The following RHBDD1 variants were observed in gnomAD, a reference collection of about 807,000 sequenced individuals.
RHBDD1 encodes the protein rhomboid-related protein 4.
A neutral mutation model predicts 36.3 loss-of-function variants in RHBDD1; 38 were observed. The ratio of observed to expected loss-of-function variants is 1.05; its 90% CI spans 0.81 to 1.37. The LOEUF (loss-of-function observed/expected upper bound fraction) is 1.37, where lower values mean the gene tolerates loss of function less well. Among genes scored for constraint, RHBDD1 ranks in the 40% most tolerant of loss-of-function variants. The pLI is 0.00. For synonymous variants in RHBDD1, 151 were observed against 136.5 expected, an observed-to-expected ratio of 1.11 and a Z score of -0.74; for missense variants, 393 against 377.6, an observed-to-expected ratio of 1.04 and a Z score of -0.34.
chr2:226,820,148 C>CCGA, the RHBDD1 span, among the ~76,000 whole-genome samples: 7 of 151,962 alleles, frequency 4.6e-5, no homozygotes, highest in Non-Finnish European at 1.0e-4. Flanking sequence ...AGATAATAAT[C>CCGA]CGACCTCATA....
intron 5 of RHBDD1, among the ~76,000 whole-genome samples, chr2:226,887,687 G>T (rs954442530): frequency 5.3e-5 from 8 of 152,230 alleles, no homozygotes; most frequent in African/African-American, 1.9e-4. Flanking sequence ...TTGTCAAACA[G>T]TATTTTAAAA....
intron 8 of RHBDD1, among the ~76,000 whole-genome samples, chr2:226,972,462 G>T (rs568959790): frequency 6.6e-6 from 1 of 152,158 alleles, no homozygotes; most frequent in Non-Finnish European, 1.5e-5. Flanking sequence ...CCTGGAAAAA[G>T]GGGTCTGCCC....
At chr2:226,870,390 A>G (rs1944697213) in intron 5 of RHBDD1, among the ~76,000 whole-genome samples, 1 of 152,186 alleles carries the variant, frequency 6.6e-6, no homozygotes, top group African/African-American at 2.4e-5. Flanking sequence ...AAATTAATAA[A>G]TCAGCTGTTA....
intron 2 of RHBDD1, among the ~76,000 whole-genome samples, 180 bp from the exon 3 acceptor site, chr2:226,839,229 G>T (rs1162786173): frequency 6.6e-6 from 1 of 152,022 alleles, no homozygotes; most frequent in Non-Finnish European, 1.5e-5. Flanking sequence ...TGGAATATGG[G>T]GGTGGGGACC....
intron 5 of RHBDD1, among the ~76,000 whole-genome samples, chr2:226,897,665 A>G (rs1174752351): frequency 6.6e-6 from 1 of 152,132 alleles, no homozygotes; most frequent in Non-Finnish European, 1.5e-5. Flanking sequence ...AGGCAGTGCC[A>G]TGCTTTCTTT....
chr2:226,855,274 A>G (rs959236846), intron 3 of RHBDD1, among the ~76,000 whole-genome samples: 6 of 152,230 alleles, frequency 3.9e-5, no homozygotes, highest in South Asian at 2.1e-4. Flanking sequence ...TTGGGAGGCC[A>G]AAGTGGGAGG....
chr2:226,892,064 G>A (rs912933434), intron 5 of RHBDD1, among the ~76,000 whole-genome samples: 2 of 152,202 alleles, frequency 1.3e-5, no homozygotes, highest in Admixed American at 6.5e-5. Context: ...GGGTCACCTG[G>A]CTTCACTAGG....
intron 3 of RHBDD1, among the ~76,000 whole-genome samples, chr2:226,850,314 G>A (rs376658715): frequency 6.6e-6 from 1 of 152,168 alleles, no homozygotes; most frequent in East Asian, 1.9e-4. Flanking sequence ...CCAGTCGTAG[G>A]AGAGTAATAG....
intron 3 of RHBDD1, among the ~76,000 whole-genome samples, chr2:226,847,744 C>T (rs1942373843): frequency 6.6e-6 from 1 of 152,180 alleles, no homozygotes; most frequent in African/African-American, 2.4e-5. Flanking sequence ...GCAAAATGAC[C>T]TGAACTGACC....
the RHBDD1 span, among the ~76,000 whole-genome samples, chr2:226,801,205 C>G: frequency 5.3e-5 from 8 of 152,144 alleles, no homozygotes; most frequent in Admixed American, 3.9e-4. Context: ...TGGCTGGGAC[C>G]CGGCGGGCCG....
At chr2:226,800,618 T>C in the RHBDD1 span, among the ~76,000 whole-genome samples, 2 of 152,066 alleles carry the variant, frequency 1.3e-5, no homozygotes, top group African/African-American at 4.8e-5. Context: ...GCTGAGGGCA[T>C]GGGGGAGGGG....
intron 8 of RHBDD1, among the ~76,000 whole-genome samples, chr2:226,937,383 G>A (rs1950397711): frequency 6.6e-6 from 1 of 152,026 alleles, no homozygotes; most frequent in Admixed American, 6.6e-5. Context: ...TATTTTCAGT[G>A]AATAAAATTT....
At chr2:226,959,285 CTG>C (rs1952010829) in intron 8 of RHBDD1, among the ~76,000 whole-genome samples, 1 of 152,126 alleles carries the variant, frequency 6.6e-6, no homozygotes, top group South Asian at 2.1e-4. Flanking sequence ...GAAATGAAGT[CTG>C]TTCTTTTCTC....
chr2:226,995,485 T>A lies in RHBDD1; in HGVS notation c.911T>A (p.Met304Lys), dbSNP rs1559370649. 1 of 1,613,312 alleles carries A rather than the reference T, an allele frequency of 6.2e-7. No individual in the cohort carries two copies. Among genetic ancestry groups the A allele is most frequent in the South Asian group, 1.1e-5 (1 of 90,792 alleles). The change falls in exon 9 of 9, where the codon ATG (methionine) becomes AAG (lysine). Residue 304 changes from methionine to lysine, a missense_variant. Physicochemically the swap from Met to Lys is moderately conservative, Grantham distance 95. Transcript: ENST00000392062. The part of the protein sequence containing the change: ...PYGFHLSPEE[M>K]RRQRLHRFDS... ...GGGTTTCATCTCTCACCAGAAGAAATGAGGAGACAGCGGCTTCACAGATTC... is the reference window on the plus strand; with the variant it reads ...GGGTTTCATCTCTCACCAGAAGAAAAGAGGAGACAGCGGCTTCACAGATTC...
rs1948096162 is a variant in RHBDD1, at chr2:226,906,870, A to G, written c.644A>G (p.Glu215Gly). The change falls in exon 6 of 9, where the codon GAA becomes GGA. Residue 215 changes from glutamate to glycine, a missense_variant. Coordinates refer to ENST00000392062, the MANE Select transcript of RHBDD1 (RefSeq NM_001167608.3). ...CAAGGGCCTCTGAAGAAAATCATGG[A>G]AGCATGTGCAGGTACAGAATAAAAC... is the stretch of plus-strand genomic sequence containing the variant. ...YTQGPLKKIM[E>G]ACAGGFSSSV... 1.2e-6 allele frequency: 2 copies of G among 1,614,046 alleles called. No individual in the cohort carries two copies. Among genetic ancestry groups the G allele is most frequent in the Non-Finnish European group, 1.7e-6 (2 of 1,179,990 alleles).
intron 8 of RHBDD1, among the ~76,000 whole-genome samples, chr2:226,936,085 A>G (rs1031995722): frequency 6.6e-6 from 1 of 152,116 alleles, no homozygotes. Context: ...AAAACTTTCT[A>G]TGTAATAAAA....
the RHBDD1 span, chr2:226,804,251 CA>C: frequency 2.0e-5 from 3 of 152,170 alleles, no homozygotes; most frequent in East Asian, 5.8e-4. Context: ...TACCTCATCC[CA>C]GTCCTGCTAA....
the RHBDD1 span, chr2:226,804,353 T>A: frequency 6.6e-6 from 1 of 152,186 alleles, no homozygotes; most frequent in Non-Finnish European, 1.5e-5. Context: ...AATTTAAGAA[T>A]CATTGGCTTA....
In RHBDD1 at chr2:226,848,357, A is replaced by G. The variant is rs188057388; in HGVS notation, c.-91+8730A>G. ...ACATGTGTAATGGAAGTCACCAGGT[A>G]CCTTTCTTGGGAAAGACTATTCCTA... On this transcript the variant is annotated intron_variant, in intron 3 of 8. Transcript: ENST00000392062. Among the ~76,000 whole-genome samples the G allele has an allele frequency of 3.1e-3, 472 of 152,314 alleles. 2 individuals carry two copies. Among genetic ancestry groups the G allele is most frequent in the African/African-American group, 0.011 (449 of 41,574 alleles).
Sources: allele counts gnomAD v4.1 joint callset (sites outside exome capture counted in the v4.1 genomes callset), GRCh38; gene constraint gnomAD v4.1.1; transcripts MANE v1.5; gene names NCBI Gene and HGNC (gene_info 2026-07-23, HGNC 2026-07-21).